Variants in EXOC4 observed in about 807,000 individuals in gnomAD.
EXOC4 encodes the protein exocyst complex component 4.
A neutral mutation model predicts 107.2 loss-of-function variants in EXOC4; 71 were observed. The observed-to-expected ratio is 0.66, with a 90% CI of 0.55 to 0.81. The LOEUF (loss-of-function observed/expected upper bound fraction) is 0.81. Among genes scored for constraint, EXOC4 ranks in the 30% least tolerant of loss-of-function variants. The pLI is 0.00. For missense variants in EXOC4, 1,108 were observed against 1,189.6 expected (o/e 0.93, Z 1.01); for synonymous variants, 456 against 441.2 (o/e 1.03, Z -0.42).
chr7:134,085,923 G>A, the EXOC4 span, among the ~76,000 whole-genome samples: 1 of 152,218 alleles, frequency 6.6e-6, no homozygotes, highest in South Asian at 2.1e-4. Flanking sequence ...ACACATGGCA[G>A]AGCTGTGTGT....
chr7:133,330,637 TCACGG>T (rs1795360327), intron 5 of EXOC4, among the ~76,000 whole-genome samples: 2 of 136,508 alleles, frequency 1.5e-5, no homozygotes, highest in Non-Finnish European at 3.2e-5. Context: ...GCACTGTTCC[TCACGG>T]CACGGCACAG....
chr7:133,747,883 A>G (rs1464440558), intron 10 of EXOC4, among the ~76,000 whole-genome samples: 3 of 152,174 alleles, frequency 2.0e-5, no homozygotes, highest in African/African-American at 7.2e-5. Context: ...CAGGGAGAAT[A>G]TCAATTATTT....
intron 9 of EXOC4, chr7:133,480,545 A>ATTAT: frequency 1.4e-6 from 1 of 702,558 alleles, no homozygotes; most frequent in Non-Finnish European, 1.8e-6. Context: ...AACCACTGTC[A>ATTAT]TTATTTAAAG....
intron 9 of EXOC4, chr7:133,576,522 A>G: frequency 7.8e-7 from 1 of 1,288,848 alleles, no homozygotes; most frequent in Non-Finnish European, 1.0e-6. Flanking sequence ...TACATGGCCA[A>G]TTTAGTAACA....
intron 12 of EXOC4, among the ~76,000 whole-genome samples, chr7:133,914,986 C>T (rs1799773881): frequency 6.6e-6 from 1 of 152,092 alleles, no homozygotes; most frequent in African/African-American, 2.4e-5. Flanking sequence ...GATACAAGAG[C>T]AGGACAGTTT....
At chr7:133,531,529 G>A (rs1800181373) in intron 9 of EXOC4, among the ~76,000 whole-genome samples, 1 of 152,086 alleles carries the variant, frequency 6.6e-6, no homozygotes, top group South Asian at 2.1e-4. Flanking sequence ...AACCAAGAAA[G>A]ACTTGTCTTT....
At chr7:133,879,334 A>G (rs1419001397) in intron 11 of EXOC4, among the ~76,000 whole-genome samples, 1 of 151,130 alleles carries the variant, frequency 6.6e-6, no homozygotes, top group Non-Finnish European at 1.5e-5. Flanking sequence ...GGCTCAAGCA[A>G]CTCTCCGTGT....
At chr7:134,076,837 A>G in the EXOC4 span, among the ~76,000 whole-genome samples, 1 of 152,108 alleles carries the variant, frequency 6.6e-6, no homozygotes, top group African/African-American at 2.4e-5. Context: ...CAGATGATCA[A>G]TGACTTACAA....
At chr7:133,821,834 A>G (rs1296230165) in intron 11 of EXOC4, among the ~76,000 whole-genome samples, 6 of 152,218 alleles carry the variant, frequency 3.9e-5, no homozygotes, top group African/African-American at 9.6e-5. Flanking sequence ...AGTGTCTGCC[A>G]TAGAGGAAAC....
At chr7:133,994,757 T>TTGTGTGTGTG (rs68167254) in intron 14 of EXOC4, among the ~76,000 whole-genome samples, 3 of 148,490 alleles carry the variant, frequency 2.0e-5, no homozygotes, top group African/African-American at 7.4e-5. Context: ...GTACAAGGTT[T>TTGTGTGTGTG]TGTGTGTGTG....
At chr7:133,570,853 A>G (rs1051182184) in intron 9 of EXOC4, among the ~76,000 whole-genome samples, 3 of 152,236 alleles carry the variant, frequency 2.0e-5, no homozygotes, top group Admixed American at 6.5e-5. Context: ...TTTATTAATA[A>G]GAAGTAAAAT....
chr7:133,984,325 C>T (rs547816182), intron 14 of EXOC4, among the ~76,000 whole-genome samples: 53 of 152,278 alleles, frequency 3.5e-4, no homozygotes, highest in Non-Finnish European at 6.5e-4. Flanking sequence ...TTGTTTTGCT[C>T]ATCAGAATGA....
intron 11 of EXOC4, among the ~76,000 whole-genome samples, chr7:133,840,968 A>G (rs1053609894): frequency 2.0e-5 from 3 of 152,214 alleles, no homozygotes; most frequent in Non-Finnish European, 4.4e-5. Context: ...GGGTATTGTC[A>G]TAGGCCATTC....
At position 133,480,135 on chromosome 7, in the gene EXOC4, C is replaced by G; in HGVS notation, c.1414C>G (p.Gln472Glu). The change falls in exon 9 of 18, where the codon CAA becomes GAA. Residue 472 changes from glutamine (Q) to glutamate (E), a missense_variant. Coordinates refer to ENST00000253861, the MANE Select transcript of EXOC4 (RefSeq NM_021807.4). ...GCTCTATAGTCGGAGTGGAGAACTG[C>G]AAGGTGAGTGATTGAGCTTCTCTGG... ...RELYSRSGEL[Q>E]GGPDDNLIEG... 6.2e-7 allele frequency: 1 copy of G among 1,613,726 alleles called. No homozygotes were observed. Among genetic ancestry groups the G allele is most frequent in the South Asian group, 1.1e-5 (1 of 91,076 alleles).
intron 7 of EXOC4, among the ~76,000 whole-genome samples, chr7:133,417,295 T>G (rs1193193503): frequency 6.6e-6 from 1 of 152,166 alleles, no homozygotes; most frequent in Non-Finnish European, 1.5e-5. Flanking sequence ...TCACCAGTAA[T>G]TAGAGCTATC....
intron 10 of EXOC4, among the ~76,000 whole-genome samples, chr7:133,670,962 G>A (rs1367492594): frequency 1.3e-5 from 2 of 152,196 alleles, no homozygotes; most frequent in Non-Finnish European, 2.9e-5. Context: ...CAGATAGGAT[G>A]CTGCTTGCCA....
intron 10 of EXOC4, among the ~76,000 whole-genome samples, chr7:133,785,707 C>G (rs1195635276): frequency 6.7e-6 from 1 of 148,974 alleles, no homozygotes; most frequent in Non-Finnish European, 1.5e-5. Flanking sequence ...GAGTCTCGTT[C>G]TTTTGCCCAG....
intron 14 of EXOC4, among the ~76,000 whole-genome samples, chr7:133,963,440 T>C (rs1322754750): frequency 2.0e-5 from 3 of 152,158 alleles, no homozygotes; most frequent in Non-Finnish European, 4.4e-5. Flanking sequence ...CCCTCAGGAA[T>C]TTCTCTTTAG....
intron 17 of EXOC4, among the ~76,000 whole-genome samples, chr7:134,060,759 C>A (rs1796037977): frequency 6.6e-6 from 1 of 152,198 alleles, no homozygotes; most frequent in African/African-American, 2.4e-5. Context: ...GTCATCTTTG[C>A]TCCTGGGTAC....
Sources: allele counts gnomAD v4.1 joint callset (sites outside exome capture counted in the v4.1 genomes callset), GRCh38; gene constraint gnomAD v4.1.1; transcripts MANE v1.5; gene names NCBI Gene and HGNC (gene_info 2026-07-23, HGNC 2026-07-21).